ADGRB3: variants seen among roughly 807,000 people sequenced by gnomAD.
ADGRB3 encodes the protein adhesion G protein-coupled receptor B3.
A neutral mutation model predicts 193.4 loss-of-function variants in ADGRB3; 37 were observed. The observed-to-expected ratio is 0.19, with a 90% CI of 0.15 to 0.25. The LOEUF (loss-of-function observed/expected upper bound fraction) is 0.25. ADGRB3 is among the 10% of genes least tolerant of loss of function. ADGRB3 has a pLI of 1.00. For missense variants in ADGRB3, 1,637 were observed against 1,852.9 expected (o/e 0.88, Z 2.14); for synonymous variants, 690 against 644.2 (o/e 1.07, Z -1.08).
chr6:68,652,740 C>T (rs1437596067), intron 3 of ADGRB3, among the ~76,000 whole-genome samples: 3 of 151,558 alleles, frequency 2.0e-5, no homozygotes, highest in Middle Eastern at 3.2e-3. Flanking sequence ...TTTTGATAAC[C>T]CTCAAATATT....
At chr6:68,853,027 A>G (rs377129368) in intron 3 of ADGRB3, among the ~76,000 whole-genome samples, 1 of 152,056 alleles carries the variant, frequency 6.6e-6, no homozygotes, top group South Asian at 2.1e-4. Context: ...GACTTGATCC[A>G]TTTGACCAAG....
rs557493036 is a variant in ADGRB3, at chr6:68,794,754, G to T, written c.758-135805G>T. On this transcript the variant is annotated intron_variant, in intron 3 of 31. Transcript: ENST00000370598. ...GTTTTGAAATTAATCTTTTCTGAGA[G>T]ATTGGTATGCAGAAAGGATTTTGGA... Among the ~76,000 whole-genome samples, 14 of 152,184 alleles carry T rather than the reference G, an allele frequency of 9.2e-5. No homozygotes were observed. The South Asian group carries it at 2.3e-3, about 25-fold the overall frequency.
intron 17 of ADGRB3, among the ~76,000 whole-genome samples, chr6:69,220,512 C>T (rs1309417552): frequency 6.6e-6 from 1 of 152,058 alleles, no homozygotes; most frequent in African/African-American, 2.4e-5. Flanking sequence ...TACAAGTGAA[C>T]TTTCCTAACA....
intron 3 of ADGRB3, among the ~76,000 whole-genome samples, chr6:68,697,635 C>A (rs950262257): frequency 2.0e-5 from 3 of 151,900 alleles, no homozygotes; most frequent in African/African-American, 7.2e-5. Context: ...ACTTCCTTGT[C>A]TTCTCTTTTA....
chr6:68,701,904 T>A (rs1765248471), intron 3 of ADGRB3, among the ~76,000 whole-genome samples: 3 of 152,204 alleles, frequency 2.0e-5, no homozygotes. Flanking sequence ...GAAGTGATGT[T>A]TATAAACATA....
intron 20 of ADGRB3, among the ~76,000 whole-genome samples, chr6:69,273,109 C>T (rs1231348146): frequency 6.6e-6 from 1 of 152,074 alleles, no homozygotes; most frequent in Non-Finnish European, 1.5e-5. Context: ...CCATGTTGGC[C>T]AAGCTGGTCT....
At chr6:69,108,698 G>A (rs1332400259) in intron 17 of ADGRB3, among the ~76,000 whole-genome samples, 2 of 152,078 alleles carry the variant, frequency 1.3e-5, no homozygotes, top group South Asian at 2.1e-4. Context: ...GTAAAATCAG[G>A]TTGAGGCTTG....
intron 3 of ADGRB3, among the ~76,000 whole-genome samples, chr6:68,681,800 T>A (rs1764901898): frequency 6.6e-6 from 1 of 152,194 alleles, no homozygotes; most frequent in Non-Finnish European, 1.5e-5. Context: ...CCAACAGAGA[T>A]TCAATAGCTG....
chr6:68,824,443 T>TA (rs1459182105), intron 3 of ADGRB3, among the ~76,000 whole-genome samples: 4 of 149,432 alleles, frequency 2.7e-5, no homozygotes, highest in Admixed American at 2.7e-4. Flanking sequence ...TATAAATACA[T>TA]ACATATTTAC....
At chr6:69,316,628 C>A (rs1768318856) in intron 20 of ADGRB3, among the ~76,000 whole-genome samples, 1 of 151,334 alleles carries the variant, frequency 6.6e-6, no homozygotes, top group Non-Finnish European at 1.5e-5. Flanking sequence ...ATATTGAGGT[C>A]CAAAGTTTTT....
At chr6:68,799,082 G>C (rs531461410) in intron 3 of ADGRB3, among the ~76,000 whole-genome samples, 1 of 151,962 alleles carries the variant, frequency 6.6e-6, no homozygotes, top group Non-Finnish European at 1.5e-5. Flanking sequence ...ATACCTTTTC[G>C]TTTAAAGAAT....
At position 69,018,459 on chromosome 6, in the gene ADGRB3, G is replaced by A. The variant is rs1445416478; in HGVS notation, c.2067G>A (p.Met689Ile). The change falls in exon 13 of 32, where the codon ATG becomes ATA. Residue 689 changes from methionine (M) to isoleucine (I), a missense_variant. Around this residue, in one of 7 missense-constraint regions of ADGRB3, gnomAD observed 641 missense variants for 673.9 expected, o/e 0.95. Transcript: ENST00000370598. Reference sequence around the variant, plus strand: ...TTATACACATTGTTGGAATGGGGATGATGGACTTTCAGAATTCATACTTAA... The same window carrying A: ...TTATACACATTGTTGGAATGGGGATAATGGACTTTCAGAATTCATACTTAA... ...EDFIHIVGMG[M>I]MDFQNSYLMT... The A allele has an allele frequency of 6.2e-7, 1 of 1,608,800 alleles. No individual in the cohort carries two copies. The highest frequency in any genetic ancestry group is 8.5e-7 in the Non-Finnish European group (1 of 1,176,178).
chr6:68,948,965 T>C (rs1223537581), intron 6 of ADGRB3, among the ~76,000 whole-genome samples: 1 of 152,108 alleles, frequency 6.6e-6, no homozygotes. Flanking sequence ...TTATATACTC[T>C]ATTTTCCAAT....
intron 10 of ADGRB3, among the ~76,000 whole-genome samples, chr6:68,978,206 T>G (rs3798983): frequency 0.11 from 16,203 of 151,382 alleles, 2,007 homozygotes; most frequent in East Asian, 0.57. Flanking sequence ...TTTAAAGTAT[T>G]GTTTCAATAA....
At chr6:68,883,870 T>G (rs1765816522) in intron 3 of ADGRB3, among the ~76,000 whole-genome samples, 1 of 152,198 alleles carries the variant, frequency 6.6e-6, no homozygotes, top group African/African-American at 2.4e-5. Flanking sequence ...GCAAGATAGT[T>G]ACAACTATAT....
rs77390937 is a variant in ADGRB3, at chr6:68,660,825, G to A, written c.757+21393G>A. On this transcript the variant is annotated intron_variant, in intron 3 of 31. Coordinates refer to ENST00000370598, the MANE Select transcript of ADGRB3 (RefSeq NM_001704.3). ...ATAAGTTTCTTGTCTTCAGCAAAAC[G>A]TTAATTTAACTCATGCTATGTTACA... 4.1e-3 allele frequency among the ~76,000 whole-genome samples: 618 copies of A among 151,150 alleles called. 3 individuals carry two copies. Among genetic ancestry groups the A allele is most frequent in the Non-Finnish European group, 6.9e-3 (463 of 67,310 alleles).
intron 20 of ADGRB3, among the ~76,000 whole-genome samples, chr6:69,281,365 A>G (rs1009411670): frequency 1.3e-5 from 2 of 152,194 alleles, no homozygotes; most frequent in African/African-American, 4.8e-5. Context: ...TTTTCCAGGA[A>G]ACATTCAATA....
intron 15 of ADGRB3, among the ~76,000 whole-genome samples, chr6:69,051,810 T>C (rs1182858462): frequency 6.6e-6 from 1 of 152,254 alleles, no homozygotes; most frequent in Admixed American, 6.5e-5. Flanking sequence ...CTAACAGTAC[T>C]GTATTAATTC....
At chr6:68,817,015 G>T (rs646118) in intron 3 of ADGRB3, among the ~76,000 whole-genome samples, 1 of 151,590 alleles carries the variant, frequency 6.6e-6, no homozygotes, top group Non-Finnish European at 1.5e-5. Flanking sequence ...ACAACATTTG[G>T]TATTTTTTAT....
Sources: allele counts gnomAD v4.1 joint callset (sites outside exome capture counted in the v4.1 genomes callset), GRCh38; gene constraint gnomAD v4.1.1; regional missense constraint gnomAD v4.1.1; transcripts MANE v1.5; gene names NCBI Gene and HGNC (gene_info 2026-07-23, HGNC 2026-07-21).